LINGO2: variants seen among roughly 807,000 people sequenced by gnomAD.
The protein encoded by LINGO2 is leucine rich repeat and Ig domain containing 2, also known as leucine-rich repeat and immunoglobulin-like domain-containing nogo receptor-interacting protein 2.
A neutral mutation model predicts 30.6 loss-of-function variants in LINGO2; 14 were observed. The observed-to-expected ratio is 0.46, with a 90% confidence interval of 0.30 to 0.72. LINGO2 has a LOEUF of 0.72. Among genes scored for constraint, LINGO2 ranks in the 30% least tolerant of loss-of-function variants. LINGO2 has a pLI of 0.07. For synonymous variants in LINGO2, 317 were observed against 288.5 expected, an observed-to-expected ratio of 1.10 and a Z score of -1.00; for missense variants, 729 against 751.7, an observed-to-expected ratio of 0.97 and a Z score of 0.35.
intron 4 of LINGO2, among the ~76,000 whole-genome samples, chr9:28,141,776 G>A (rs1827679742): frequency 6.6e-6 from 1 of 152,060 alleles, no homozygotes; most frequent in Admixed American, 6.6e-5. Flanking sequence ...ATTAGCTGGG[G>A]TGACCCATGC....
the LINGO2 span, among the ~76,000 whole-genome samples, chr9:28,948,391 C>A: frequency 6.6e-6 from 1 of 151,856 alleles, no homozygotes; most frequent in African/African-American, 2.4e-5. Flanking sequence ...TACTCTGTAC[C>A]TATATATTCT....
the LINGO2 span, among the ~76,000 whole-genome samples, chr9:28,983,366 C>A: frequency 6.7e-6 from 1 of 149,392 alleles, no homozygotes; most frequent in African/African-American, 2.5e-5. Context: ...GCTTTGCTTT[C>A]CATCAGCAAT....
the LINGO2 span, among the ~76,000 whole-genome samples, chr9:28,812,925 C>T: frequency 6.6e-6 from 1 of 152,128 alleles, no homozygotes; most frequent in Non-Finnish European, 1.5e-5. Flanking sequence ...AGCAAGCACT[C>T]CTTCCAATTC....
chr9:28,775,639 A>T, the LINGO2 span, among the ~76,000 whole-genome samples: 2 of 152,214 alleles, frequency 1.3e-5, no homozygotes, highest in Non-Finnish European at 2.9e-5. Context: ...CAATGAACTT[A>T]CATGAGTCCT....
Position 28,147,725 on chromosome 9 carries a change from C to T in LINGO2, c.-86-135320G>A, listed in dbSNP as rs1446555285. Among the ~76,000 whole-genome samples, 1 of 152,156 alleles carries T rather than the reference C, an allele frequency of 6.6e-6. No individual in the cohort carries two copies. The highest frequency in any genetic ancestry group is 1.5e-5 in the Non-Finnish European group (1 of 68,018). On this transcript the variant is annotated intron_variant, in intron 4 of 5. Coordinates refer to ENST00000379992, the Ensembl canonical transcript of LINGO2. This position sits in a 1 kb window ranked among gnomAD's most constrained non-coding sequence, Gnocchi z 4.7. ...GGGCCCGTCCAGGGCCACACAACTGCCCCCAGGAGCAGGACGTCCCTGAGG... is the reference window on the plus strand; with the variant it reads ...GGGCCCGTCCAGGGCCACACAACTGTCCCCAGGAGCAGGACGTCCCTGAGG...
At chr9:27,966,562 G>C (rs932167467) in intron 5 of LINGO2, among the ~76,000 whole-genome samples, 6 of 152,040 alleles carry the variant, frequency 3.9e-5, no homozygotes, top group African/African-American at 1.4e-4. Context: ...CCACACTGGG[G>C]CCTGTCAGGG....
At chr9:28,581,861 G>A (rs1466979076) in intron 1 of LINGO2, among the ~76,000 whole-genome samples, 1 of 151,786 alleles carries the variant, frequency 6.6e-6, no homozygotes, top group Non-Finnish European at 1.5e-5. Context: ...TGTTAAAGAA[G>A]CATTCATTAT....
At chr9:28,873,081 G>A in the LINGO2 span, among the ~76,000 whole-genome samples, 1 of 151,978 alleles carries the variant, frequency 6.6e-6, no homozygotes, top group East Asian at 1.9e-4. Flanking sequence ...CTACTAGTAA[G>A]AAAACTATTT....
chr9:28,625,501 G>T (rs1826619353), intron 1 of LINGO2, among the ~76,000 whole-genome samples: 1 of 152,076 alleles, frequency 6.6e-6, no homozygotes, highest in Non-Finnish European at 1.5e-5. Context: ...TGTGTACATA[G>T]TTCTTAAATT....
At chr9:28,158,211 C>T (rs182046598) in intron 4 of LINGO2, among the ~76,000 whole-genome samples, 7 of 152,286 alleles carry the variant, frequency 4.6e-5, no homozygotes, top group South Asian at 2.1e-4. Context: ...AGAGAGCTTG[C>T]GCAGGGAAAT....
intron 4 of LINGO2, among the ~76,000 whole-genome samples, chr9:28,060,504 G>A (rs1023589103): frequency 6.6e-6 from 1 of 152,110 alleles, no homozygotes; most frequent in African/African-American, 2.4e-5. Flanking sequence ...AATAGGCACA[G>A]AAAGTCAAAG....
intron 4 of LINGO2, among the ~76,000 whole-genome samples, chr9:28,090,172 C>T (rs1392729353): frequency 2.0e-5 from 3 of 152,124 alleles, no homozygotes; most frequent in African/African-American, 7.2e-5. Flanking sequence ...GAAACTATTC[C>T]AATCAATAGA....
the LINGO2 span, among the ~76,000 whole-genome samples, chr9:29,111,354 G>A: frequency 5.9e-5 from 9 of 152,038 alleles, no homozygotes; most frequent in Middle Eastern, 3.2e-3. Context: ...ATGGCAGTTA[G>A]TGTTTACGGC....
intron 5 of LINGO2, among the ~76,000 whole-genome samples, chr9:27,974,096 G>C (rs1001514803): frequency 1.3e-5 from 2 of 152,150 alleles, no homozygotes; most frequent in Admixed American, 1.3e-4. Context: ...CAATCAAGCT[G>C]TTATTGATCA....
At position 28,435,351 on chromosome 9, in the gene LINGO2, G is replaced by T. The variant is rs144674054; in HGVS notation, c.-279+40589C>A. Among the ~76,000 whole-genome samples, 570 of 152,082 alleles carry T rather than the reference G, an allele frequency of 3.7e-3. 4 individuals are homozygous for T. Among genetic ancestry groups the T allele is most frequent in the African/African-American group, 0.013 (542 of 41,498 alleles). ...AGAATCATGTCAAATTTTATTTAGCGGTATCACTATATGTAAGAAGAAGGG... is the reference window on the plus strand; with the variant it reads ...AGAATCATGTCAAATTTTATTTAGCTGTATCACTATATGTAAGAAGAAGGG... On this transcript the variant is annotated intron_variant, in intron 2 of 5. Coordinates refer to ENST00000379992, the Ensembl canonical transcript of LINGO2.
intron 4 of LINGO2, among the ~76,000 whole-genome samples, chr9:28,240,487 C>G (rs1821743640): frequency 6.6e-6 from 1 of 152,070 alleles, no homozygotes; most frequent in African/African-American, 2.4e-5. Context: ...GAAATAAATC[C>G]ACACACCTGC....
chr9:28,338,402 A>G (rs1486967135), intron 3 of LINGO2, among the ~76,000 whole-genome samples: 1 of 152,148 alleles, frequency 6.6e-6, no homozygotes, highest in African/African-American at 2.4e-5. Flanking sequence ...CTTGTCTCAG[A>G]TGAGACTTTG....
At chr9:28,062,300 C>T (rs1825169484) in intron 4 of LINGO2, among the ~76,000 whole-genome samples, 1 of 151,742 alleles carries the variant, frequency 6.6e-6, no homozygotes, top group Non-Finnish European at 1.5e-5. Flanking sequence ...TGGAACATTT[C>T]ATTAAGGAGT....
the LINGO2 span, among the ~76,000 whole-genome samples, chr9:29,103,191 G>GT: frequency 6.6e-6 from 1 of 152,008 alleles, no homozygotes; most frequent in Non-Finnish European, 1.5e-5. Flanking sequence ...CAAGAGTTAT[G>GT]TTTCTTTTTT....
Sources: allele counts gnomAD v4.1 joint callset (sites outside exome capture counted in the v4.1 genomes callset), GRCh38; gene constraint gnomAD v4.1.1; non-coding constraint Gnocchi (gnomAD v3.1); transcripts MANE v1.5; gene names NCBI Gene and HGNC (gene_info 2026-07-23, HGNC 2026-07-21).